CCDC88C: variants seen among roughly 807,000 people sequenced by gnomAD.
CCDC88C encodes the protein coiled-coil and HOOK domain protein 88C, also known as protein Daple.
Under a neutral mutation model 198.8 loss-of-function variants are expected in CCDC88C, and 131 were observed. The ratio of observed to expected loss-of-function variants is 0.66; its 90% CI spans 0.57 to 0.76. The LOEUF is 0.76. CCDC88C is among the 30% of genes least tolerant of loss of function. The pLI is 0.00. For missense variants in CCDC88C, 2,553 were observed against 2,631.6 expected (o/e 0.97, Z 0.65); for synonymous variants, 1,166 against 1,114.7 (o/e 1.05, Z -0.92).
chr14:91,327,522 C>T (rs1474121734), intron 10 of CCDC88C, among the ~76,000 whole-genome samples: 1 of 150,636 alleles, frequency 6.6e-6, no homozygotes, highest in Admixed American at 6.6e-5. Flanking sequence ...GATGAAAGAC[C>T]AATTCAGAAA....
chr14:91,323,238 C>T (rs116385760), intron 12 of CCDC88C, among the ~76,000 whole-genome samples: 7,610 of 152,242 alleles, frequency 0.05, 208 homozygotes, highest in Non-Finnish European at 0.065. Flanking sequence ...ATCTCGTCAG[C>T]ACCCCCCAGC....
chr14:91,378,323 T>C (rs370760543), intron 3 of CCDC88C, among the ~76,000 whole-genome samples: 25 of 152,136 alleles, frequency 1.6e-4, no homozygotes, highest in African/African-American at 5.1e-4. Context: ...CTCCACCCCC[T>C]CCCCCAGTGA....
At chr14:91,300,801 G>C (rs911455244) in intron 20 of CCDC88C, among the ~76,000 whole-genome samples, 4 of 152,166 alleles carry the variant, frequency 2.6e-5, no homozygotes, top group Admixed American at 6.5e-5. Flanking sequence ...CATAGGTCCC[G>C]GCCCCTCCCC....
In CCDC88C at chr14:91,313,443, C is replaced by T; in HGVS notation, c.2373G>A (p.Glu791=). 2 of 1,607,354 alleles carry T rather than the reference C, an allele frequency of 1.2e-6. No homozygotes were observed. The highest frequency in any genetic ancestry group is 8.5e-7 in the Non-Finnish European group (1 of 1,179,612). The change falls in exon 15 of 30, where the codon GAG becomes GAA. Residue 791 remains glutamate (E), a synonymous_variant. Coordinates refer to ENST00000389857, the MANE Select transcript of CCDC88C (RefSeq NM_001080414.4). The surrounding 1 kb of genome is among the most constrained non-coding windows in gnomAD (Gnocchi z 5.2). ...KTQTLESELG[E]LEAERQALRR... is the part of the protein sequence containing the mutation. The stretch of plus-strand genomic sequence containing the variant: ...GCAGCGCCTGGCGCTCAGCCTCCAG[C>T]TCGCCCAGCTCACTCTCCAAGGTCT...
At chr14:91,392,326 T>C (rs1320778382) in intron 3 of CCDC88C, among the ~76,000 whole-genome samples, 2 of 152,016 alleles carry the variant, frequency 1.3e-5, no homozygotes, top group Non-Finnish European at 2.9e-5. Context: ...CAAAAATCCC[T>C]ATCCAGGAAA....
chr14:91,417,526 C>T lies in CCDC88C; in HGVS notation c.60+105G>A, dbSNP rs1162006995. ...GCCACTTGCTGCGTCCCTCGCGCCC[C>T]GGAGCCACCCGGGGCCCCGGCCGTG... On this transcript the variant is annotated intron_variant, in intron 1 of 29. Transcript: ENST00000389857. 11 of 1,047,098 alleles carry T rather than the reference C, an allele frequency of 1.1e-5. No individual in the cohort carries two copies. The East Asian group carries it at 3.0e-4, about 29-fold the overall frequency. 64.9% of individuals were successfully genotyped at this position (1,047,098 alleles called of 1,614,324 possible).
chr14:91,281,788 G>A (rs181277479), intron 26 of CCDC88C, among the ~76,000 whole-genome samples: 136 of 152,238 alleles, frequency 8.9e-4, no homozygotes, highest in African/African-American at 3.0e-3. Flanking sequence ...GACCAAAGGC[G>A]TGTTCTGGCC....
At chr14:91,396,195 C>A (rs1190918552) in intron 3 of CCDC88C, among the ~76,000 whole-genome samples, 2 of 152,208 alleles carry the variant, frequency 1.3e-5, no homozygotes, top group South Asian at 4.1e-4. Flanking sequence ...AGCCACGCAG[C>A]CGGCTTCACG....
chr14:91,316,134 C>A (rs1315048439), intron 13 of CCDC88C, among the ~76,000 whole-genome samples: 1 of 152,220 alleles, frequency 6.6e-6, no homozygotes, highest in Admixed American at 6.5e-5. Flanking sequence ...GGTGATGTCA[C>A]CTGGCTGCTC....
intron 26 of CCDC88C, 80 bp from the exon 27 acceptor site, chr14:91,281,605 C>A: frequency 7.9e-7 from 1 of 1,260,050 alleles, no homozygotes; most frequent in Non-Finnish European, 1.2e-6. Context: ...TCGCCTGGCA[C>A]CCGGATCCCA....
Position 91,352,961 on chromosome 14 carries a change from G to A in CCDC88C, c.340+6681C>T, listed in dbSNP as rs1893882278. Among the ~76,000 whole-genome samples the A allele has an allele frequency of 6.6e-6, 1 of 152,244 alleles. No individual in the cohort carries two copies. The highest frequency in any genetic ancestry group is 1.5e-5 in the Non-Finnish European group (1 of 68,040). ...GGTCAGTAAGCCTGGGGCACACCCA[G>A]CCCTCACAAGTTCCCCGGGGCCCCC... On this transcript the variant is annotated intron_variant, in intron 4 of 29. Transcript: ENST00000389857. This position sits in a 1 kb window ranked among gnomAD's most constrained non-coding sequence, Gnocchi z 4.2.
chr14:91,316,459 G>A (rs1169255993), intron 13 of CCDC88C, among the ~76,000 whole-genome samples: 2 of 146,618 alleles, frequency 1.4e-5, no homozygotes, highest in African/African-American at 5.3e-5. Context: ...TTTTGCTCTT[G>A]TCGCCCAGGA....
chr14:91,274,488 G>A (rs1327202826), intron 29 of CCDC88C, among the ~76,000 whole-genome samples: 1 of 152,236 alleles, frequency 6.6e-6, no homozygotes, highest in African/African-American at 2.4e-5. Flanking sequence ...TGGATGAAGA[G>A]GAAGAGAAGT....
At position 91,339,658 on chromosome 14, in the gene CCDC88C, C is replaced by T. The variant is rs757085145; in HGVS notation, c.625-196G>A. 2.6e-5 allele frequency among the ~76,000 whole-genome samples: 4 copies of T among 152,144 alleles called. No homozygotes were observed. Among genetic ancestry groups the T allele is most frequent in the East Asian group, 1.9e-4 (1 of 5,188 alleles). ...ATTTAGTGAAACAAAAGGGAGTGTA[C>T]GAAGGAGGAGGGCCCCAAGCTCCGC... is the stretch of plus-strand genomic sequence containing the variant. On this transcript the variant is annotated intron_variant, in intron 7 of 29. Transcript: ENST00000389857. This position sits in a 1 kb window ranked among gnomAD's most constrained non-coding sequence, Gnocchi z 5.8.
rs1053372913 is a variant in CCDC88C at position 91,294,191 on chromosome 14, T to G, written c.4094A>C (p.Glu1365Ala). 1 of 1,614,048 alleles carries G rather than the reference T, an allele frequency of 6.2e-7. No homozygotes were observed. Among genetic ancestry groups the G allele is most frequent in the Non-Finnish European group, 8.5e-7 (1 of 1,179,886 alleles). ...TGCTTACATGTACTGCTTCTGCTCC[T>G]CATGGTACTGCTCCTTGTTCTCCAT... is the stretch of plus-strand genomic sequence containing the variant. ...QNMENKEQYH[E>A]EQKQYIDKLN... The change falls in exon 23 of 30, where the codon GAG becomes GCG. Residue 1365 changes from glutamate to alanine, a missense_variant. Physicochemically the swap from Glu to Ala is moderately radical, Grantham distance 107. Transcript: ENST00000389857.
At chr14:91,290,109 T>C (rs1402118786) in intron 24 of CCDC88C, among the ~76,000 whole-genome samples, 1 of 152,016 alleles carries the variant, frequency 6.6e-6, no homozygotes, top group African/African-American at 2.4e-5. Flanking sequence ...CCATCTCTAC[T>C]AAAAATACAA....
In CCDC88C at chr14:91,350,221, C is replaced by T. The variant is rs1204464772; in HGVS notation, c.341-6564G>A. ...TGTCACCCAGGTTGGAGTGCAGTGG[C>T]ACAATTTCGGCTCACTGCAAACTCC... On this transcript the variant is annotated intron_variant, in intron 4 of 29. Transcript: ENST00000389857. Among the ~76,000 whole-genome samples, 3 of 151,278 alleles carry T rather than the reference C, an allele frequency of 2.0e-5. 1 individual carries two copies. Among genetic ancestry groups the T allele is most frequent in the Non-Finnish European group, 4.4e-5 (3 of 67,908 alleles).
intron 10 of CCDC88C, among the ~76,000 whole-genome samples, chr14:91,332,405 AT>A (rs1892875458): frequency 2.0e-5 from 3 of 152,172 alleles, no homozygotes; most frequent in African/African-American, 7.2e-5. Context: ...TTCACCTCTT[AT>A]GTAAGCTAGG....
intron 3 of CCDC88C, among the ~76,000 whole-genome samples, chr14:91,380,439 T>C (rs939909427): frequency 1.3e-5 from 2 of 152,360 alleles, no homozygotes; most frequent in Non-Finnish European, 2.9e-5. Flanking sequence ...ATTAGAATTC[T>C]ATACACTTTA....
Sources: gnomAD v4.1 joint callset for allele counts (sites outside exome capture counted in the v4.1 genomes callset) on GRCh38, gnomAD v4.1.1 for gene constraint, Gnocchi (gnomAD v3.1) non-coding constraint, MANE v1.5 for transcripts, NCBI Gene and HGNC (gene_info 2026-07-23, HGNC 2026-07-21) for gene names.